The following GFI1B variants were observed in gnomAD, a reference collection of about 807,000 sequenced individuals.
The protein encoded by GFI1B is zinc finger protein Gfi-1b.
Under a neutral mutation model 35.3 loss-of-function variants are expected in GFI1B, and 20 were observed. The ratio of observed to expected loss-of-function variants is 0.57; its 90% confidence interval spans 0.40 to 0.82. GFI1B has a LOEUF of 0.82. Ranked by LOEUF, GFI1B falls within the 40% of genes least tolerant of loss-of-function variation. The probability of loss-of-function intolerance (pLI) is 0.00; values close to 1 mark genes in which losing one functional copy is unlikely to be tolerated. For missense variants in GFI1B, 430 were observed against 446.3 expected (o/e 0.96, Z 0.33); for synonymous variants, 178 against 177.6 (o/e 1.00, Z -0.02).
intron 1 of GFI1B, among the ~76,000 whole-genome samples, chr9:132,968,967 A>T (rs1312628137): frequency 6.6e-6 from 1 of 151,190 alleles, no homozygotes; most frequent in African/African-American, 2.4e-5. Flanking sequence ...TTAAATACAA[A>T]CTCCCCAGTC....
rs909682368 is a variant in GFI1B at position 132,956,160 on chromosome 9, A to T, written c.-701+10491A>T. Among the ~76,000 whole-genome samples, 6 of 152,330 alleles carry T rather than the reference A, an allele frequency of 3.9e-5. No homozygotes were observed. The East Asian group carries it at 1.2e-3, about 29-fold the overall frequency. ...AAATTGAGACATAAAATTAGCCATTATACTGAGTACCTAGGAAAGCAAGTT... is the reference window on the plus strand; with the variant it reads ...AAATTGAGACATAAAATTAGCCATTTTACTGAGTACCTAGGAAAGCAAGTT... On this transcript the variant is annotated intron_variant, in intron 1 of 10. Coordinates refer to the GFI1B transcript ENST00000339463.
intron 1 of GFI1B, among the ~76,000 whole-genome samples, chr9:132,965,772 G>A (rs890146306): frequency 2.6e-5 from 4 of 152,182 alleles, no homozygotes; most frequent in African/African-American, 9.7e-5. Context: ...CAATCCTGCC[G>A]ACACCTTGAT....
At chr9:132,967,257 C>A (rs1848463823) in intron 1 of GFI1B, among the ~76,000 whole-genome samples, 1 of 152,178 alleles carries the variant, frequency 6.6e-6, no homozygotes. Flanking sequence ...CCAAATAAAT[C>A]TTTTCTTTAT....
In GFI1B at chr9:132,987,428, C is replaced by T; in HGVS notation, c.238+9C>T. The T allele has an allele frequency of 6.2e-7, 1 of 1,614,210 alleles. No individual in the cohort carries two copies. The highest frequency in any genetic ancestry group is 2.2e-5 in the East Asian group (1 of 44,890). On this transcript the variant is annotated intron_variant, in intron 3 of 6. Coordinates refer to ENST00000372122, the MANE Select transcript of GFI1B (RefSeq NM_001377304.1). ...GATGGCCCCGGCACCAGGTACCCCG[C>T]TGTGACCCACTGTCATTCCCCAGGG...
intron 2 of GFI1B, among the ~76,000 whole-genome samples, chr9:132,973,340 G>A (rs932174376): frequency 6.6e-6 from 1 of 152,200 alleles, no homozygotes; most frequent in Non-Finnish European, 1.5e-5. Context: ...TGTCCTTATA[G>A]AGGGCCCGTG....
At chr9:132,992,038 A>G (rs10751499), downstream of GFI1B, among the ~76,000 whole-genome samples, 31,619 of 152,034 alleles carry the variant, frequency 0.21, 4,501 homozygotes, top group East Asian at 0.45. Flanking sequence ...AATGAGTCTC[A>G]TGGGGCTAAC....
intron 1 of GFI1B, among the ~76,000 whole-genome samples, chr9:132,948,115 A>T (rs1419640704): frequency 6.6e-6 from 1 of 152,182 alleles, no homozygotes; most frequent in Non-Finnish European, 1.5e-5. Flanking sequence ...TTGCTTTAAC[A>T]AGCTGAAATG....
At chr9:132,965,832 T>C (rs889773203) in intron 1 of GFI1B, among the ~76,000 whole-genome samples, 4 of 152,218 alleles carry the variant, frequency 2.6e-5, no homozygotes, top group Non-Finnish European at 4.4e-5. Flanking sequence ...TCTGTTGTTT[T>C]AAGCCACCCA....
At chr9:132,967,923 T>C (rs1848472825) in intron 1 of GFI1B, among the ~76,000 whole-genome samples, 1 of 151,800 alleles carries the variant, frequency 6.6e-6, no homozygotes, top group Non-Finnish European at 1.5e-5. Context: ...TGGGATTACA[T>C]GCATGTGCCA....
intron 3 of GFI1B, 78 bp downstream of exon 3, chr9:132,987,497 C>A (rs548159342): frequency 2.2e-5 from 34 of 1,540,084 alleles, no homozygotes; most frequent in Non-Finnish European, 2.9e-5. Flanking sequence ...GCAGCAGGGC[C>A]CCTTGGGGCC....
chr9:132,960,646 A>G (rs1848348020), intron 1 of GFI1B, among the ~76,000 whole-genome samples: 1 of 151,822 alleles, frequency 6.6e-6, no homozygotes, highest in African/African-American at 2.4e-5. Context: ...ATGGGCATGT[A>G]CCACTACACC....
At chr9:132,983,283 G>A (rs770355208) in intron 1 of GFI1B, among the ~76,000 whole-genome samples, 2 of 130,704 alleles carry the variant, frequency 1.5e-5, no homozygotes, top group African/African-American at 2.9e-5. Flanking sequence ...TGCAACCTCC[G>A]CCTCCCGGGT....
intron 1 of GFI1B, among the ~76,000 whole-genome samples, chr9:132,948,953 G>A (rs1848160294): frequency 6.6e-6 from 1 of 151,904 alleles, no homozygotes; most frequent in Non-Finnish European, 1.5e-5. Context: ...AGGTGAGCGA[G>A]GAAGAGCCTT....
intron 1 of GFI1B, among the ~76,000 whole-genome samples, chr9:132,961,239 A>C (rs1210057987): frequency 2.0e-5 from 3 of 152,186 alleles, no homozygotes; most frequent in Non-Finnish European, 4.4e-5. Flanking sequence ...GACCTCAAAA[A>C]ACCAAAGCAA....
chr9:132,987,557 T>A (rs1849120413), intron 3 of GFI1B, 138 bp downstream of exon 3: 1 of 977,316 alleles, frequency 1.0e-6, no homozygotes, highest in Non-Finnish European at 1.6e-6. Flanking sequence ...CCGGGCTCTG[T>A]GGCTTCTGCT....
intron 1 of GFI1B, among the ~76,000 whole-genome samples, chr9:132,961,357 C>T (rs879874244): frequency 2.6e-5 from 4 of 151,272 alleles, no homozygotes; most frequent in Non-Finnish European, 2.9e-5. Flanking sequence ...ATATCACAAA[C>T]GGCCTCTCTA....
chr9:132,970,612 G>T (rs537078593), intron 1 of GFI1B, among the ~76,000 whole-genome samples: 5 of 152,140 alleles, frequency 3.3e-5, no homozygotes, highest in Non-Finnish European at 7.3e-5. Flanking sequence ...CTACTTATGT[G>T]GTTGACCATA....
chr9:132,969,646 C>G (rs1169232674), intron 1 of GFI1B, among the ~76,000 whole-genome samples: 1 of 152,076 alleles, frequency 6.6e-6, no homozygotes, highest in Non-Finnish European at 1.5e-5. Context: ...GGGTCTATAC[C>G]CGTGCGTGGG....
At chr9:132,954,131 C>T (rs777026437) in intron 1 of GFI1B, among the ~76,000 whole-genome samples, 51 of 151,946 alleles carry the variant, frequency 3.4e-4, no homozygotes, top group Non-Finnish European at 3.1e-4. Flanking sequence ...GGTCTGTCAC[C>T]AAGGCTAGAA....
Sources: gnomAD v4.1 joint callset for allele counts (sites outside exome capture counted in the v4.1 genomes callset) on GRCh38, gnomAD v4.1.1 for gene constraint, MANE v1.5 for transcripts, NCBI Gene and HGNC (gene_info 2026-07-23, HGNC 2026-07-21) for gene names.